Variants in SHROOM4 observed in about 807,000 individuals in gnomAD.
SHROOM4 encodes the protein shroom family member 4.
In SHROOM4, 17 loss-of-function variants were observed where a neutral mutation model predicts 80.3. The observed-to-expected ratio is 0.21, with a 90% CI of 0.14 to 0.32. The LOEUF is 0.32. Ranked by LOEUF, SHROOM4 falls within the 10% of genes least tolerant of loss-of-function variation. The pLI is 1.00. For synonymous variants in SHROOM4, 400 were observed against 437.5 expected, an observed-to-expected ratio of 0.91 and a Z score of 1.07; for missense variants, 993 against 1,140.3, an observed-to-expected ratio of 0.87 and a Z score of 1.86.
intron 1 of SHROOM4, among the ~76,000 whole-genome samples, chrX:50,810,969 C>T (rs1936317482): frequency 9.0e-6 from 1 of 111,486 alleles, no homozygotes; most frequent in African/African-American, 3.3e-5. Context: ...CTTCATTTTC[C>T]TCACTCTGCA....
chrX:50,576,601 TTG>T, the SHROOM4 span, among the ~76,000 whole-genome samples: 13 of 109,668 alleles, frequency 1.2e-4, no homozygotes, highest in East Asian at 5.7e-4. Context: ...GTCTTCCATT[TTG>T]TGTGTGTGTG....
At chrX:50,647,783 A>G (rs1223183836) in intron 2 of SHROOM4, among the ~76,000 whole-genome samples, 1 of 111,450 alleles carries the variant, frequency 9.0e-6, no homozygotes, top group Non-Finnish European at 1.9e-5. Flanking sequence ...TACTAAAGAC[A>G]TGGAGCCCTA....
At chrX:50,670,616 T>C (rs1932787183) in intron 2 of SHROOM4, among the ~76,000 whole-genome samples, 1 of 111,836 alleles carries the variant, frequency 8.9e-6, no homozygotes, top group African/African-American at 3.3e-5. Flanking sequence ...ATCCTTTGGG[T>C]ATATACCCAG....
intron 8 of SHROOM4, among the ~76,000 whole-genome samples, chrX:50,597,291 C>T (rs1398459114): frequency 8.9e-6 from 1 of 112,127 alleles, no homozygotes; most frequent in African/African-American, 3.3e-5. Flanking sequence ...TCCCTTTCAC[C>T]TGGTGAACAA....
intron 1 of SHROOM4, among the ~76,000 whole-genome samples, chrX:50,746,022 T>G (rs1934766540): frequency 8.9e-6 from 1 of 111,994 alleles, no homozygotes; most frequent in African/African-American, 3.2e-5. Context: ...ATTCAACACA[T>G]GTTTAGCACA....
intron 1 of SHROOM4, among the ~76,000 whole-genome samples, chrX:50,772,857 C>A (rs1381509515): frequency 8.9e-6 from 1 of 111,891 alleles, no homozygotes; most frequent in Non-Finnish European, 1.9e-5. Flanking sequence ...AGGCAGACTC[C>A]CTGCCTTCAG....
intron 5 of SHROOM4, among the ~76,000 whole-genome samples, chrX:50,618,278 C>CCTTCCTT (rs1569546603): frequency 4.3e-5 from 2 of 46,122 alleles, no homozygotes; most frequent in African/African-American, 9.5e-5. Context: ...TCTTCTCTTC[C>CCTTCCTT]CCTTCCTTCC....
At chrX:50,788,196 A>G (rs994656868) in intron 1 of SHROOM4, among the ~76,000 whole-genome samples, 1 of 111,934 alleles carries the variant, frequency 8.9e-6, no homozygotes, top group African/African-American at 3.2e-5. Context: ...AAAGTGTGTG[A>G]AGGGGAAACT....
rs35151990 is a variant in SHROOM4 at position 50,590,158 on chromosome X, C to G, written c.*6537G>C. 0.21 allele frequency among the ~76,000 whole-genome samples: 23,041 copies of G among 110,730 alleles called. 2,231 individuals are homozygous for G. Among genetic ancestry groups the G allele is most frequent in the Middle Eastern group, 0.35 (74 of 212 alleles). ...ATGTGATGGCATATGGAGGTGGGGC[C>G]TTTGAGAGGTAAATTGGTTTAGATG... On this transcript the variant is annotated 3_prime_UTR_variant, in exon 9 of 9. Coordinates refer to ENST00000376020, the MANE Select transcript of SHROOM4 (RefSeq NM_020717.5).
At chrX:50,652,055 G>A (rs782773580) in intron 2 of SHROOM4, among the ~76,000 whole-genome samples, 2 of 111,930 alleles carry the variant, frequency 1.8e-5, no homozygotes, top group East Asian at 5.6e-4. Flanking sequence ...GTGTACATGT[G>A]TCTTTACAGT....
chrX:50,807,736 G>C (rs5915315), intron 1 of SHROOM4, among the ~76,000 whole-genome samples: 1 of 109,600 alleles, frequency 9.1e-6, no homozygotes, highest in Non-Finnish European at 1.9e-5. Context: ...GCCAGGGCTA[G>C]GGGCAGAGGC....
intron 5 of SHROOM4, among the ~76,000 whole-genome samples, chrX:50,620,118 C>T (rs1307783713): frequency 3.6e-5 from 4 of 111,482 alleles, no homozygotes; most frequent in Non-Finnish European, 5.6e-5. Context: ...ATCAAACCAA[C>T]GTGGGCCACC....
At chrX:50,653,450 T>A (rs1165052999) in intron 2 of SHROOM4, among the ~76,000 whole-genome samples, 3 of 112,075 alleles carry the variant, frequency 2.7e-5, no homozygotes, top group Non-Finnish European at 5.6e-5. Context: ...GCTTATCAGC[T>A]TAAGGAGATT....
chrX:50,737,641 C>A (rs1376439461), intron 1 of SHROOM4, among the ~76,000 whole-genome samples: 2 of 110,987 alleles, frequency 1.8e-5, no homozygotes, highest in African/African-American at 6.6e-5. Flanking sequence ...GAAGTTGAAT[C>A]CCTGAATAGA....
intron 2 of SHROOM4, among the ~76,000 whole-genome samples, chrX:50,638,675 T>C (rs782610488): frequency 8.9e-6 from 1 of 112,701 alleles, no homozygotes; most frequent in South Asian, 3.7e-4. Context: ...AATCTTCCCA[T>C]TTTTCTCTGA....
Position 50,638,268 on chromosome X carries a change from C to T in SHROOM4, c.310G>A (p.Ala104Thr), listed in dbSNP as rs782290599. ...TCAGGGCATCCCTCCAGCAGCTTGG[C>T]CACATGCCATGAGTGCGGCCTACTG... is the stretch of plus-strand genomic sequence containing the variant. ...PVSRPHSWHV[A>T]KLLEGCPEAA... The change falls in exon 3 of 9, where the codon GCC becomes ACC. Residue 104 changes from alanine (A) to threonine (T), a missense_variant. Ala to Thr is a moderately conservative substitution (Grantham distance 58). Transcript: ENST00000376020. The T allele has an allele frequency of 4.1e-6, 5 of 1,211,658 alleles. No individual in the cohort carries two copies. Among genetic ancestry groups the T allele is most frequent in the Non-Finnish European group, 5.6e-6 (5 of 895,365 alleles).
chrX:50,703,886 G>A (rs1391352335), intron 1 of SHROOM4, among the ~76,000 whole-genome samples: 1 of 111,990 alleles, frequency 8.9e-6, no homozygotes, highest in Non-Finnish European at 1.9e-5. Context: ...TTTCTTGACT[G>A]TCTAATAAGA....
At chrX:50,792,722 A>G (rs1557271675) in intron 1 of SHROOM4, among the ~76,000 whole-genome samples, 1 of 108,753 alleles carries the variant, frequency 9.2e-6, no homozygotes, top group Admixed American at 1.0e-4. Context: ...GATGCTCAAC[A>G]TCACTAATCA....
chrX:50,635,445 C>T lies in SHROOM4; in HGVS notation c.628G>A (p.Glu210Lys). 3.3e-6 allele frequency: 4 copies of T among 1,208,006 alleles called. No homozygotes were observed. Among genetic ancestry groups the T allele is most frequent in the African/African-American group, 1.7e-5 (1 of 57,816 alleles). ...SDCALSLRPE[E>K]PASTDCIMQG... ...ATGATGCAGTCTGTAGAGGCTGGCTCCTCTGGCCTGAGGGAAAGGGCACAG... is the reference window on the plus strand; with the variant it reads ...ATGATGCAGTCTGTAGAGGCTGGCTTCTCTGGCCTGAGGGAAAGGGCACAG... The change falls in exon 4 of 9, where the codon GAG (glutamate) becomes AAG (lysine). Residue 210 changes from glutamate (E) to lysine (K), a missense_variant. By Grantham distance (56) the Glu-to-Lys change is moderately conservative. Coordinates refer to ENST00000376020, the MANE Select transcript of SHROOM4 (RefSeq NM_020717.5).
Sources: gnomAD v4.1 joint callset for allele counts (sites outside exome capture counted in the v4.1 genomes callset) on GRCh38, gnomAD v4.1.1 for gene constraint, MANE v1.5 for transcripts, NCBI Gene and HGNC (gene_info 2026-07-23, HGNC 2026-07-21) for gene names.